Variants in USP9X observed in about 807,000 individuals in gnomAD.
The protein encoded by USP9X is ubiquitin carboxyl-terminal hydrolase 9X.
A neutral mutation model predicts 190.3 loss-of-function variants in USP9X; 7 were observed. The observed-to-expected ratio is 0.04, with a 90% confidence interval of 0.02 to 0.07. The LOEUF (loss-of-function observed/expected upper bound fraction) is 0.07, where lower values mean the gene tolerates loss of function less well. Ranked by LOEUF, USP9X falls within the 10% of genes least tolerant of loss-of-function variation. The pLI, the probability that USP9X is intolerant of heterozygous loss-of-function variation, is 1.00. For synonymous variants in USP9X, 645 were observed against 659.5 expected, an observed-to-expected ratio of 0.98 and a Z score of 0.34; for missense variants, 1,010 against 1,916.9, an observed-to-expected ratio of 0.53 and a Z score of 8.83.
chrX:41,158,679 A>G (rs1292660173), intron 14 of USP9X, among the ~76,000 whole-genome samples: 1 of 108,818 alleles, frequency 9.2e-6, no homozygotes, highest in Non-Finnish European at 1.9e-5. Context: ...GCAGTCCCCA[A>G]CCTTTTTGGC....
intron 21 of USP9X, among the ~76,000 whole-genome samples, chrX:41,180,588 A>C (rs949024083): frequency 2.7e-5 from 3 of 112,390 alleles, no homozygotes; most frequent in African/African-American, 9.7e-5. Context: ...CCTGCTTCTA[A>C]TTGCTACTCT....
Position 41,141,189 on chromosome X carries a change from G to C in USP9X, c.994G>C (p.Glu332Gln), listed in dbSNP as rs762093209. 2 of 1,191,435 alleles carry C rather than the reference G, an allele frequency of 1.7e-6. No individual in the cohort carries two copies. The highest frequency in any genetic ancestry group is 2.3e-6 in the Non-Finnish European group (2 of 886,368). ...PGQEETVKNL[E>Q]IFRLKMILRL... ...ACAAGAAGAAACTGTTAAAAACTTA[G>C]AAATATTTAGGTTAAAAATGATACT... is the stretch of plus-strand genomic sequence containing the variant. Residue 332 changes from glutamate (E) to glutamine (Q), a missense_variant, in exon 8 of 45, where the codon GAA (glutamate) becomes CAA (glutamine). Around this residue, in one of 11 missense-constraint regions of USP9X, gnomAD observed 176 missense variants for 247.5 expected, o/e 0.71. Transcript: ENST00000378308.
chrX:41,217,939 T>C (rs1196029106), intron 36 of USP9X, among the ~76,000 whole-genome samples: 7 of 111,791 alleles, frequency 6.3e-5, no homozygotes, highest in Non-Finnish European at 1.3e-4. Flanking sequence ...AAGCTACTTA[T>C]GAAATTTATT....
intron 30 of USP9X, among the ~76,000 whole-genome samples, chrX:41,199,433 A>C (rs2063020747): frequency 9.1e-6 from 1 of 110,356 alleles, no homozygotes; most frequent in Non-Finnish European, 1.9e-5. Context: ...TTTGAGACGG[A>C]GTTTCACTCT....
chrX:41,099,096 G>GTTTTTTTTTTTTGTTTT (rs2062015208), intron 1 of USP9X, among the ~76,000 whole-genome samples: 1 of 44,266 alleles, frequency 2.3e-5, no homozygotes, highest in Non-Finnish European at 3.7e-5. Context: ...CCAGATAATT[G>GTTTTTTTTTTTTGTTTT]TTTTTTTTTT....
At chrX:41,198,384 T>C (rs763450623) in intron 29 of USP9X, 144 bp from the exon 30 acceptor site, 2 of 314,088 alleles carry the variant, frequency 6.4e-6, no homozygotes, top group East Asian at 8.7e-5. Context: ...GAAGATCTTT[T>C]TATTAGAAAA....
intron 28 of USP9X, 33 bp from the exon 29 acceptor site, chrX:41,197,331 T>TCGC: frequency 4.1e-6 from 2 of 486,767 alleles, no homozygotes; most frequent in Non-Finnish European, 5.9e-6. Context: ...TTTGATTTCT[T>TCGC]CCCCCCCCCA....
chrX:41,152,030 T>G (rs2062532079), intron 13 of USP9X, among the ~76,000 whole-genome samples: 1 of 112,053 alleles, frequency 8.9e-6, no homozygotes, highest in Admixed American at 9.4e-5. Context: ...TATGTAAGAT[T>G]AAATGATTGC....
chrX:41,176,902 TTTC>T (rs1230429781), intron 21 of USP9X, among the ~76,000 whole-genome samples: 3 of 112,343 alleles, frequency 2.7e-5, no homozygotes, highest in Admixed American at 1.9e-4. Flanking sequence ...GATATTATGT[TTTC>T]TTCTTTTTCC....
rs1179751023 is a variant in USP9X, at chrX:41,235,895, G to T, written c.*3371G>T. The stretch of plus-strand genomic sequence containing the variant: ...ACTTTTTTGACTTACATTTGTAAAT[G>T]AAAACAAGTCTGTGAATATTCAGAT... On this transcript the variant is annotated 3_prime_UTR_variant, in exon 45 of 45. Coordinates refer to ENST00000378308, the MANE Select transcript of USP9X (RefSeq NM_001039591.3). 2.7e-5 allele frequency: 3 copies of T among 111,987 alleles called. No individual in the cohort carries two copies. The highest frequency in any genetic ancestry group is 9.7e-5 in the African/African-American group (3 of 30,823). 9.2% of individuals were successfully genotyped at this position (111,987 alleles called of 1,213,427 possible).
At chrX:41,163,054 T>C (rs765378446) in intron 15 of USP9X, among the ~76,000 whole-genome samples, 177 bp downstream of exon 15, 14 of 112,522 alleles carry the variant, frequency 1.2e-4, no homozygotes, top group Non-Finnish European at 2.3e-4. Flanking sequence ...GTTTTAACTT[T>C]GTTGCAATAT....
chrX:41,229,201 T>G (rs1385970147), intron 41 of USP9X, 52 bp from the exon 42 acceptor site: 2 of 1,004,656 alleles, frequency 2.0e-6, no homozygotes, highest in Admixed American at 6.8e-5. Flanking sequence ...ACTCAGTATA[T>G]ATTAGCTATT....
At chrX:41,200,882 C>G (rs1171670625) in intron 30 of USP9X, among the ~76,000 whole-genome samples, 178 bp from the exon 31 acceptor site, 1 of 112,013 alleles carries the variant, frequency 8.9e-6, no homozygotes, top group Non-Finnish European at 1.9e-5. Flanking sequence ...GTGCCTGTTG[C>G]TGTATATTTT....
Position 41,106,522 on chromosome X carries a change from ATTTTTTTT to A in USP9X, c.-158-16929_-158-16922del, listed in dbSNP as rs35038623. On this transcript the variant is annotated intron_variant, in intron 1 of 44. Coordinates refer to ENST00000378308, the MANE Select transcript of USP9X (RefSeq NM_001039591.3). ...ATACTGGAAGTATATTTCTGAATTA[ATTTTTTTT>A]TTTTTTTTTTTTTTTTTTTAGACAG... 1.0e-4 allele frequency among the ~76,000 whole-genome samples: 6 copies of A among 58,784 alleles called. No individual in the cohort carries two copies. In the East Asian group the frequency reaches 1.4e-3, roughly 14 times the overall value. The allele number at this position is 58,784 out of a possible 115,157, so 51.0% of individuals were successfully genotyped here.
At position 41,210,471 on chromosome X, in the gene USP9X, T is replaced by C. The variant is rs752289189; in HGVS notation, c.5016-38T>C. On this transcript the variant is annotated intron_variant, in intron 32 of 44. Transcript: ENST00000378308. ...ATAGTTGTACATATTGTTCTGTGAATGTTACATGTTACATGTTTTATTTCA... is the reference window on the plus strand; with the variant it reads ...ATAGTTGTACATATTGTTCTGTGAACGTTACATGTTACATGTTTTATTTCA... 254 of 1,175,275 alleles carry C rather than the reference T, an allele frequency of 2.2e-4. No individual in the cohort carries two copies. In the South Asian group the frequency reaches 4.5e-3, roughly 21 times the overall value.
At chrX:41,207,345 A>T (rs1485913425) in intron 32 of USP9X, among the ~76,000 whole-genome samples, 1 of 110,791 alleles carries the variant, frequency 9.0e-6, no homozygotes, top group Non-Finnish European at 1.9e-5. Context: ...TCGGCCTCCC[A>T]AAGTGCTGGG....
At chrX:41,124,495 A>G (rs778849249) in intron 2 of USP9X, among the ~76,000 whole-genome samples, 7 of 111,827 alleles carry the variant, frequency 6.3e-5, no homozygotes, top group Non-Finnish European at 1.1e-4. Context: ...AGAAAGCTCA[A>G]GTGGTGTAGA....
intron 1 of USP9X, among the ~76,000 whole-genome samples, chrX:41,120,774 A>T (rs947243013): frequency 2.8e-4 from 31 of 110,155 alleles, no homozygotes; most frequent in Non-Finnish European, 3.8e-4. Flanking sequence ...CTGGGATTAC[A>T]AGCGTGAGCT....
chrX:41,096,016 C>G (rs940046801), intron 1 of USP9X, among the ~76,000 whole-genome samples: 1 of 112,106 alleles, frequency 8.9e-6, no homozygotes, highest in Non-Finnish European at 1.9e-5. Context: ...AAGCAAAACA[C>G]CTCTATTGTC....
Sources: allele counts gnomAD v4.1 joint callset (sites outside exome capture counted in the v4.1 genomes callset), GRCh38; gene constraint gnomAD v4.1.1; regional missense constraint gnomAD v4.1.1; transcripts MANE v1.5; gene names NCBI Gene and HGNC (gene_info 2026-07-23, HGNC 2026-07-21).